Variants in RIN2 observed in about 807,000 individuals in gnomAD.
RIN2 encodes the protein RAB5 interacting protein 2.
RIN2 carries 36 observed loss-of-function variants against 78.0 expected under a neutral mutation model. That is an observed-to-expected ratio of 0.46 (90% CI 0.35 to 0.61). The LOEUF (loss-of-function observed/expected upper bound fraction) is 0.61, where lower values mean the gene tolerates loss of function less well. Among genes scored for constraint, RIN2 ranks in the 20% least tolerant of loss-of-function variants. The probability of loss-of-function intolerance (pLI) is 0.00; values close to 1 mark genes in which losing one functional copy is unlikely to be tolerated. For missense variants in RIN2, 1,087 were observed against 1,159.7 expected (o/e 0.94, Z 0.91); for synonymous variants, 466 against 466.8 (o/e 1.00, Z 0.02).
At chr20:19,964,870 C>T in intron 6 of RIN2, 82 bp from the exon 7 acceptor site, 2 of 1,166,746 alleles carry the variant, frequency 1.7e-6, no homozygotes, top group Non-Finnish European at 2.6e-6. Context: ...TCAGATGGTC[C>T]CACACACATG....
At chr20:19,984,388 G>A (rs145394631) in intron 9 of RIN2, among the ~76,000 whole-genome samples, 2 of 152,294 alleles carry the variant, frequency 1.3e-5, no homozygotes, top group African/African-American at 4.8e-5. Context: ...ATACTGAACA[G>A]TGTAGGCAAC....
intron 4 of RIN2, among the ~76,000 whole-genome samples, chr20:19,943,715 C>T (rs2040973410): frequency 6.6e-6 from 1 of 152,128 alleles, no homozygotes; most frequent in African/African-American, 2.4e-5. Flanking sequence ...AACTGGATGG[C>T]CTCTGATAGC....
intron 1 of RIN2, among the ~76,000 whole-genome samples, chr20:19,778,954 T>C (rs546432657): frequency 6.5e-4 from 99 of 152,294 alleles, no homozygotes; most frequent in African/African-American, 2.3e-3. Flanking sequence ...GGGTCCTGAC[T>C]CAGAGTAGAG....
At chr20:19,870,856 G>A (rs548315521) in intron 2 of RIN2, among the ~76,000 whole-genome samples, 6 of 152,282 alleles carry the variant, frequency 3.9e-5, no homozygotes, top group African/African-American at 1.4e-4. Flanking sequence ...CATCACGTCT[G>A]GAGGAACACA....
chr20:19,822,189 GA>G (rs1367833714), intron 2 of RIN2, among the ~76,000 whole-genome samples: 10 of 152,320 alleles, frequency 6.6e-5, no homozygotes, highest in South Asian at 4.1e-4. Context: ...CTGCAGACTA[GA>G]AATGGTGCAG....
chr20:19,889,687 A>G, intron 3 of RIN2, 29 bp downstream of exon 3: 2 of 1,433,454 alleles, frequency 1.4e-6, no homozygotes, highest in Non-Finnish European at 1.9e-6. Context: ...TGGGATCTCA[A>G]CTCGTCGGCT....
In RIN2 at chr20:20,001,155, T is replaced by C; in HGVS notation, c.*219T>C. ...GGATTCTCTTTTGGCAATGGAGAATTGCATCTGATGGTTCAAGTGTCCTGA... is the reference window on the plus strand; with the variant it reads ...GGATTCTCTTTTGGCAATGGAGAATCGCATCTGATGGTTCAAGTGTCCTGA... On this transcript the variant is annotated 3_prime_UTR_variant, in exon 13 of 13. Coordinates refer to ENST00000255006, the MANE Select transcript of RIN2 (RefSeq NM_018993.4). The C allele has an allele frequency of 1.8e-6, 1 of 545,040 alleles. No individual in the cohort carries two copies. The highest frequency in any genetic ancestry group is 3.3e-6 in the Non-Finnish European group (1 of 305,734). 33.8% of individuals were successfully genotyped at this position (545,040 alleles called of 1,614,324 possible). A position where few individuals can be genotyped will look rare whatever the true frequency, so the allele number is the denominator to read the frequency against.
chr20:19,876,774 G>A (rs1430757783), intron 2 of RIN2, among the ~76,000 whole-genome samples: 8 of 152,008 alleles, frequency 5.3e-5, no homozygotes, highest in East Asian at 1.9e-4. Flanking sequence ...GTGTGGTGGC[G>A]GGTGCGTGTA....
At chr20:19,977,395 T>C (rs1485482068) in intron 9 of RIN2, among the ~76,000 whole-genome samples, 1 of 138,874 alleles carries the variant, frequency 7.2e-6, no homozygotes, top group Non-Finnish European at 1.6e-5. Flanking sequence ...GACTCACTCA[T>C]TTTCTCCAAA....
intron 3 of RIN2, among the ~76,000 whole-genome samples, chr20:19,906,914 G>A (rs1277338245): frequency 1.3e-5 from 2 of 152,140 alleles, no homozygotes; most frequent in Non-Finnish European, 2.9e-5. Flanking sequence ...CTTCCTCAAT[G>A]TCTTAGACTG....
intron 3 of RIN2, among the ~76,000 whole-genome samples, chr20:19,932,335 A>G (rs545668471): frequency 1.3e-5 from 2 of 152,312 alleles, no homozygotes; most frequent in South Asian, 4.1e-4. Context: ...TTCCAGAACC[A>G]TGAGCCAAAT....
chr20:19,849,819 A>G (rs1376158729), intron 2 of RIN2, among the ~76,000 whole-genome samples: 1 of 152,206 alleles, frequency 6.6e-6, no homozygotes. Flanking sequence ...TGGTTTGTAT[A>G]TTAAAATACA....
At chr20:19,873,711 T>G in intron 2 of RIN2, among the ~76,000 whole-genome samples, 1 of 152,212 alleles carries the variant, frequency 6.6e-6, no homozygotes, top group East Asian at 1.9e-4. Flanking sequence ...CACAGGGCAC[T>G]AATCAAGTGC....
intron 2 of RIN2, among the ~76,000 whole-genome samples, chr20:19,838,962 C>T (rs1328968818): frequency 6.6e-6 from 1 of 152,072 alleles, no homozygotes; most frequent in Non-Finnish European, 1.5e-5. Flanking sequence ...GCCCGGGAGG[C>T]CTCTAGGATC....
Position 19,897,633 on chromosome 20 carries a change from C to G in RIN2, c.57+7975C>G, listed in dbSNP as rs1219542010. Among the ~76,000 whole-genome samples, 5 of 152,132 alleles carry G rather than the reference C, an allele frequency of 3.3e-5. No individual in the cohort carries two copies. In the East Asian group the frequency reaches 9.6e-4, roughly 29 times the overall value. On this transcript the variant is annotated intron_variant, in intron 3 of 12. Transcript: ENST00000255006. Reference sequence around the variant, plus strand: ...CTGGTTCTTCTGTGACTGTCTTCCCCCTTTTCCAGCTCCCTCTCCCAGAAA... The same window carrying G: ...CTGGTTCTTCTGTGACTGTCTTCCCGCTTTTCCAGCTCCCTCTCCCAGAAA...
At position 19,971,795 on chromosome 20, in the gene RIN2, G is replaced by A. The variant is rs190466423; in HGVS notation, c.628+866G>A. Among the ~76,000 whole-genome samples, 235 of 143,630 alleles carry A rather than the reference G, an allele frequency of 1.6e-3. 1 individual carries two copies. The highest frequency in any genetic ancestry group is 6.1e-3 in the African/African-American group (230 of 37,426). The allele number at this position is 143,630 out of a possible 152,430, so 94.2% of individuals were successfully genotyped here. ...CTCGCTCTGTCACCCAGGCTGGAGT[G>A]CAGTGTTGAGATCTCAGCTCTCTGC... On this transcript the variant is annotated intron_variant, in intron 8 of 12. Coordinates refer to ENST00000255006, the MANE Select transcript of RIN2 (RefSeq NM_018993.4).
chr20:19,838,358 TA>T (rs1213737476), intron 2 of RIN2, among the ~76,000 whole-genome samples: 1 of 152,220 alleles, frequency 6.6e-6, no homozygotes, highest in African/African-American at 2.4e-5. Flanking sequence ...TTGTACTTTC[TA>T]AAAATTAAAG....
intron 1 of RIN2, among the ~76,000 whole-genome samples, chr20:19,760,359 A>G (rs1000245598): frequency 6.6e-6 from 1 of 152,230 alleles, no homozygotes. Flanking sequence ...ATTCTCCTGC[A>G]GACAGTTCAT....
chr20:19,831,486 T>A (rs1206320187), intron 2 of RIN2, among the ~76,000 whole-genome samples: 2 of 152,200 alleles, frequency 1.3e-5, no homozygotes, highest in Non-Finnish European at 2.9e-5. Context: ...TATGTGAGTG[T>A]TCACTGAAAA....
Sources: allele counts gnomAD v4.1 joint callset (sites outside exome capture counted in the v4.1 genomes callset), GRCh38; gene constraint gnomAD v4.1.1; transcripts MANE v1.5; gene names NCBI Gene and HGNC (gene_info 2026-07-23, HGNC 2026-07-21).